CRYBG3: variants seen among roughly 807,000 people sequenced by gnomAD.
CRYBG3 encodes very large A-kinase anchor protein.
In CRYBG3, 127 loss-of-function variants were observed where a neutral mutation model predicts 244.2. That is an observed-to-expected ratio of 0.52 (90% CI 0.45 to 0.60). CRYBG3 has a LOEUF of 0.60. Ranked by LOEUF, CRYBG3 falls within the 20% of genes least tolerant of loss-of-function variation. The pLI, the probability that CRYBG3 is intolerant of heterozygous loss-of-function variation, is 0.00. For missense variants in CRYBG3, 3,325 were observed against 3,442.5 expected (o/e 0.97, Z 0.85); for synonymous variants, 1,132 against 1,195.8 (o/e 0.95, Z 1.10).
At chr3:97,837,822 C>T (rs2038755546) in intron 1 of CRYBG3, among the ~76,000 whole-genome samples, 1 of 152,136 alleles carries the variant, frequency 6.6e-6, no homozygotes, top group Non-Finnish European at 1.5e-5. Context: ...GGTAAGCAAG[C>T]CTCTAGAAGA....
chr3:97,822,431 C>T, intron 1 of CRYBG3, 76 bp downstream of exon 1: 1 of 1,317,516 alleles, frequency 7.6e-7, no homozygotes, highest in Non-Finnish European at 9.9e-7. Flanking sequence ...TGACCGCCGG[C>T]AGCGGGCCGC....
At position 97,899,264 on chromosome 3, in the gene CRYBG3, G is replaced by C; in HGVS notation, c.7971+1G>C. The C allele has an allele frequency of 2.5e-6, 4 of 1,610,970 alleles. No homozygotes were observed. The South Asian group carries it at 3.3e-5, about 13-fold the overall frequency. ...CATGTCGATACGGCCAATCCAACTG[G>C]TGAGTGAAGTATGAACATAGCCAGT... is the stretch of plus-strand genomic sequence containing the variant. On this transcript the variant is annotated splice_donor_variant, in intron 14 of 21. Transcript: ENST00000389622. LOFTEE classifies it high-confidence loss of function.
At position 97,874,137 on chromosome 3, in the gene CRYBG3, T is replaced by C. The variant is rs1179280708; in HGVS notation, c.2943T>C (p.Gly981=). Residue 981 remains glycine (G), a synonymous_variant, in exon 4 of 22, where the codon GGT becomes GGC. Coordinates refer to ENST00000389622, the MANE Select transcript of CRYBG3 (RefSeq NM_153605.4). ...LDICGTKKIS[G]HSEMAELSLT... is the part of the protein sequence containing the mutation. ...TTTGTGGGACTAAAAAGATTTCTGG[T>C]CACTCAGAAATGGCGGAACTCAGCT... 3.3e-6 allele frequency: 5 copies of C among 1,534,172 alleles called. No homozygotes were observed. Among genetic ancestry groups the C allele is most frequent in the Middle Eastern group, 1.7e-4 (1 of 5,980 alleles).
chr3:97,899,012 G>T lies in CRYBG3; in HGVS notation c.7831G>T (p.Val2611Phe), dbSNP rs762278661. Reference sequence around the variant, plus strand: ...TGGCAGTAAAACAAGATCCATTCATGTTAAAAGTGGAGTGTAAGTTGCCTC... The same window carrying T: ...TGGCAGTAAAACAAGATCCATTCATTTTAAAAGTGGAGTGTAAGTTGCCTC... Reference protein sequence around the residue: ...GFGSKTRSIHVKSGVWVAYQQ... With the variant: ...GFGSKTRSIHFKSGVWVAYQQ... The change falls in exon 13 of 22, where the codon GTT becomes TTT. Residue 2611 changes from valine (V) to phenylalanine (F), a missense_variant. This residue lies in a region of CRYBG3 where 714 missense variants were observed against 803.6 expected (regional missense o/e 0.89). Transcript: ENST00000389622. 1 of 1,610,914 alleles carries T rather than the reference G, an allele frequency of 6.2e-7. No individual in the cohort carries two copies. Among genetic ancestry groups the T allele is most frequent in the South Asian group, 1.1e-5 (1 of 89,922 alleles).
intron 3 of CRYBG3, among the ~76,000 whole-genome samples, chr3:97,869,558 T>A (rs2039276485): frequency 6.6e-6 from 1 of 152,140 alleles, no homozygotes; most frequent in Non-Finnish European, 1.5e-5. Context: ...TACATTGGGC[T>A]CTGTCTTCAT....
chr3:97,841,970 A>T, intron 1 of CRYBG3, among the ~76,000 whole-genome samples: 1 of 152,142 alleles, frequency 6.6e-6, no homozygotes, highest in Admixed American at 6.6e-5. Flanking sequence ...ACCTCCTCTG[A>T]GGGTACTTTA....
chr3:97,859,890 A>G (rs1418444593), intron 2 of CRYBG3, among the ~76,000 whole-genome samples: 3 of 152,118 alleles, frequency 2.0e-5, no homozygotes, highest in African/African-American at 4.8e-5. Context: ...TAGAAATTAT[A>G]TTGTTCTCTT....
intron 1 of CRYBG3, among the ~76,000 whole-genome samples, chr3:97,842,121 C>T (rs1244475693): frequency 6.6e-6 from 1 of 152,054 alleles, no homozygotes; most frequent in South Asian, 2.1e-4. Context: ...TTGCAAAGAA[C>T]CTGACGTGCT....
intron 17 of CRYBG3, among the ~76,000 whole-genome samples, chr3:97,929,527 A>G (rs1053576582): frequency 1.3e-5 from 2 of 151,964 alleles, no homozygotes; most frequent in African/African-American, 4.8e-5. Context: ...TAATTCAAGT[A>G]TACTTATAAA....
At chr3:97,941,991 AC>A (rs1369809791) in intron 20 of CRYBG3, 1 of 220,544 alleles carries the variant, frequency 4.5e-6, no homozygotes, top group African/African-American at 2.3e-5. Context: ...CAGGGATTTA[AC>A]ATTTAATTCC....
At chr3:97,927,892 A>G (rs1431556671) in intron 17 of CRYBG3, among the ~76,000 whole-genome samples, 1 of 152,096 alleles carries the variant, frequency 6.6e-6, no homozygotes, top group Non-Finnish European at 1.5e-5. Context: ...CTGTTATTAA[A>G]AAGTCAACAA....
rs536310048 is a variant in CRYBG3, at chr3:97,879,995, A to G, written c.6899A>G (p.Tyr2300Cys). 23 of 1,517,110 alleles carry G rather than the reference A, an allele frequency of 1.5e-5. No individual in the cohort carries two copies. Among genetic ancestry groups the G allele is most frequent in the Non-Finnish European group, 1.9e-5 (21 of 1,097,720 alleles). The allele number at this position is 1,517,110 out of a possible 1,614,324, so 94.0% of individuals were successfully genotyped here. A position where few individuals can be genotyped will look rare whatever the true frequency, so the allele number is the denominator to read the frequency against. The change falls in exon 6 of 22, where the codon TAT becomes TGT. Residue 2300 changes from tyrosine to cysteine, a missense_variant. Coordinates refer to ENST00000389622, the MANE Select transcript of CRYBG3 (RefSeq NM_153605.4). ...CNPRPGKMVI[Y>C]DLHESTYKQE... ...TTTACTGTGTTGCAGATGGTTATCT[A>G]TGATCTCCATGAAAGTACATATAAA...
chr3:97,882,240 G>A (rs1207669786), intron 7 of CRYBG3, among the ~76,000 whole-genome samples: 1 of 151,758 alleles, frequency 6.6e-6, no homozygotes, highest in African/African-American at 2.4e-5. Context: ...TAGCAGCACA[G>A]TATTACAGAA....
chr3:97,839,029 C>T (rs751680651), intron 1 of CRYBG3, among the ~76,000 whole-genome samples: 58 of 152,218 alleles, frequency 3.8e-4, no homozygotes, highest in Middle Eastern at 3.4e-3. Flanking sequence ...GTTCTGTTAG[C>T]TAAGATGAGG....
intron 7 of CRYBG3, among the ~76,000 whole-genome samples, chr3:97,883,826 C>T (rs1433067856): frequency 6.6e-6 from 1 of 152,192 alleles, no homozygotes; most frequent in African/African-American, 2.4e-5. Context: ...TTCTTCCTAT[C>T]GTTGCTTCAC....
At chr3:97,824,547 A>G (rs1231737713) in intron 1 of CRYBG3, among the ~76,000 whole-genome samples, 1 of 152,172 alleles carries the variant, frequency 6.6e-6, no homozygotes, top group Non-Finnish European at 1.5e-5. Context: ...CAGGTCTTCC[A>G]ATATTTTACT....
intron 16 of CRYBG3, 46 bp from the exon 17 acceptor site, chr3:97,915,564 C>T (rs2039919961): frequency 6.3e-7 from 1 of 1,577,042 alleles, no homozygotes; most frequent in Admixed American, 1.7e-5. Flanking sequence ...GCCTATACTG[C>T]CAAGTGAATG....
intron 17 of CRYBG3, among the ~76,000 whole-genome samples, chr3:97,930,027 G>T (rs2040081114): frequency 1.3e-5 from 2 of 152,122 alleles, no homozygotes; most frequent in South Asian, 4.1e-4. Flanking sequence ...AAAGGAAGAG[G>T]AAAAATGTAC....
At chr3:97,935,191 T>TA (rs560884300) in intron 18 of CRYBG3, among the ~76,000 whole-genome samples, 2 of 152,222 alleles carry the variant, frequency 1.3e-5, no homozygotes, top group South Asian at 4.1e-4. Context: ...CAGCCATGCT[T>TA]AAATGCACCA....
Sources: allele counts gnomAD v4.1 joint callset (sites outside exome capture counted in the v4.1 genomes callset), GRCh38; gene constraint gnomAD v4.1.1; regional missense constraint gnomAD v4.1.1; transcripts MANE v1.5; gene names NCBI Gene and HGNC (gene_info 2026-07-23, HGNC 2026-07-21).